URI1: variants seen among roughly 807,000 people sequenced by gnomAD.
URI1 encodes URI1 prefoldin like chaperone.
In URI1, 39 loss-of-function variants were observed where a neutral mutation model predicts 60.2. That is an observed-to-expected ratio of 0.65 (90% confidence interval 0.50 to 0.85). URI1 has a LOEUF of 0.85. Among genes scored for constraint, URI1 ranks in the 40% least tolerant of loss-of-function variants. The probability of loss-of-function intolerance (pLI) is 0.00; values close to 1 mark genes in which losing one functional copy is unlikely to be tolerated. For missense variants in URI1, 691 were observed against 665.9 expected (o/e 1.04, Z -0.42); for synonymous variants, 251 against 236.8 (o/e 1.06, Z -0.55).
intron 8 of URI1, among the ~76,000 whole-genome samples, chr19:30,010,540 T>C (rs1462649437): frequency 6.6e-6 from 1 of 152,202 alleles, no homozygotes; most frequent in Non-Finnish European, 1.5e-5. Context: ...GTGGTCATTA[T>C]TGTGGAAAGT....
chr19:30,004,959 A>G (rs968307364), intron 4 of URI1, among the ~76,000 whole-genome samples: 1 of 152,044 alleles, frequency 6.6e-6, no homozygotes, highest in African/African-American at 2.4e-5. Context: ...GAACAGAATA[A>G]CTTGTCTTAA....
At chr19:29,980,452 T>G (rs2055578525) in intron 2 of URI1, 1 of 151,806 alleles carries the variant, frequency 6.6e-6, no homozygotes, top group Non-Finnish European at 1.5e-5. Flanking sequence ...TTTCTTAAAT[T>G]AAAAAATAAA....
chr19:29,984,309 G>A (rs2055634766), intron 2 of URI1, among the ~76,000 whole-genome samples: 1 of 152,084 alleles, frequency 6.6e-6, no homozygotes, highest in African/African-American at 2.4e-5. Flanking sequence ...TGCGTCTGTA[G>A]TCTCAGCTAC....
At chr19:29,935,372 G>A (rs1009500393) in intron 1 of URI1, among the ~76,000 whole-genome samples, 1 of 151,992 alleles carries the variant, frequency 6.6e-6, no homozygotes, top group Non-Finnish European at 1.5e-5. Flanking sequence ...CATTAACATA[G>A]ATTTATAATT....
intron 1 of URI1, among the ~76,000 whole-genome samples, chr19:29,934,862 G>A (rs1242610438): frequency 1.3e-5 from 2 of 152,142 alleles, no homozygotes; most frequent in African/African-American, 4.8e-5. Context: ...AAGCCAACAT[G>A]CCCATATTAT....
At chr19:29,982,897 C>T (rs1438410198) in intron 2 of URI1, among the ~76,000 whole-genome samples, 1 of 152,098 alleles carries the variant, frequency 6.6e-6, no homozygotes, top group Admixed American at 6.5e-5. Context: ...TTCTGTTGAA[C>T]CTGTGAGATA....
intron 2 of URI1, among the ~76,000 whole-genome samples, chr19:29,971,893 C>T (rs1424436960): frequency 3.3e-5 from 5 of 151,946 alleles, no homozygotes; most frequent in Admixed American, 3.3e-4. Context: ...CCATGCTGTG[C>T]TTACGAAGGT....
chr19:29,963,684 A>C (rs2055354250), intron 1 of URI1, among the ~76,000 whole-genome samples: 1 of 152,170 alleles, frequency 6.6e-6, no homozygotes, highest in Admixed American at 6.5e-5. Context: ...GATTGTAGAT[A>C]TTCCTGAAGG....
At chr19:29,963,377 A>G (rs1346620669) in intron 1 of URI1, among the ~76,000 whole-genome samples, 1 of 151,834 alleles carries the variant, frequency 6.6e-6, no homozygotes, top group Non-Finnish European at 1.5e-5. Context: ...CTGCTGTTTA[A>G]TCTTCTTTTA....
intron 4 of URI1, among the ~76,000 whole-genome samples, chr19:29,998,336 A>G (rs112238739): frequency 7.0e-4 from 106 of 152,080 alleles, no homozygotes; most frequent in African/African-American, 2.4e-3. Flanking sequence ...ATATATGTCT[A>G]TTAGGTCTAA....
chr19:29,987,897 G>A (rs1472205154), intron 4 of URI1, among the ~76,000 whole-genome samples: 1 of 152,120 alleles, frequency 6.6e-6, no homozygotes, highest in Admixed American at 6.5e-5. Context: ...GCCGGGCGCA[G>A]GGGCTCATGC....
Position 29,989,271 on chromosome 19 carries a change from C to A in URI1, c.367+2854C>A, listed in dbSNP as rs72486987. Reference sequence around the variant, plus strand: ...GATTACAGACATGCGCCACCATGCCCGGCTAATTTTTTTGTACTTTTAGTA... The same window carrying A: ...GATTACAGACATGCGCCACCATGCCAGGCTAATTTTTTTGTACTTTTAGTA... On this transcript the variant is annotated intron_variant, in intron 4 of 10. Transcript: ENST00000392271. Among the ~76,000 whole-genome samples the A allele has an allele frequency of 5.7e-4, 87 of 151,882 alleles. 1 individual carries two copies. In the East Asian group the frequency reaches 0.016, roughly 28 times the overall value.
chr19:29,986,802 C>G (rs2145376629), intron 4 of URI1, among the ~76,000 whole-genome samples: 1 of 152,144 alleles, frequency 6.6e-6, no homozygotes, highest in East Asian at 1.9e-4. Flanking sequence ...TGTGTTTTCT[C>G]CTTAGTGAAC....
At position 30,015,039 on chromosome 19, in the gene URI1, T is replaced by C. The variant is rs1457553682; in HGVS notation, c.1578T>C (p.Phe526=). The change falls in exon 11 of 11, where the codon TTT becomes TTC. Residue 526 remains phenylalanine (F), a synonymous_variant. Transcript: ENST00000392271. ...AAACTGGAAAGAGGGTTTCAAAGTT[T>C]AAAGCTGCCAGATTGCAACAGAAAG... ...SEETGKRVSK[F]KAARLQQKD 2 of 1,613,634 alleles carry C rather than the reference T, an allele frequency of 1.2e-6. No individual in the cohort carries two copies. Among genetic ancestry groups the C allele is most frequent in the South Asian group, 2.2e-5 (2 of 91,028 alleles).
At chr19:30,004,916 C>T (rs1324332895) in intron 4 of URI1, among the ~76,000 whole-genome samples, 1 of 151,968 alleles carries the variant, frequency 6.6e-6, no homozygotes, top group Non-Finnish European at 1.5e-5. Flanking sequence ...GTTGTATTTT[C>T]AGTCATCTAA....
At chr19:29,977,476 CTG>C (rs1265844778) in intron 2 of URI1, among the ~76,000 whole-genome samples, 14 of 150,820 alleles carry the variant, frequency 9.3e-5, no homozygotes, top group Middle Eastern at 3.5e-3. Context: ...TTTTCAGAGT[CTG>C]TATTTTACTG....
At chr19:29,951,585 TGCC>T (rs2055180751) in intron 1 of URI1, among the ~76,000 whole-genome samples, 1 of 151,968 alleles carries the variant, frequency 6.6e-6, no homozygotes, top group African/African-American at 2.4e-5. Flanking sequence ...AGTTTCTTGT[TGCC>T]TAGGCTGGAG....
In URI1 at chr19:30,007,624, G is replaced by A. The variant is rs753226195; in HGVS notation, c.672G>A (p.Leu224=). The change falls in exon 7 of 11, where the codon CTG becomes CTA. Residue 224 remains leucine, a synonymous_variant. Coordinates refer to ENST00000392271, the MANE Select transcript of URI1 (RefSeq NM_003796.3). ...AACTAGAGAGACAGGAAGAATTGCT[G>A]GGTGAACTTGATAGGTACTTGATGA... ...LEELERQEEL[L]GELDSKPDTV... The A allele has an allele frequency of 6.2e-7, 1 of 1,606,124 alleles. No individual in the cohort carries two copies. Among genetic ancestry groups the A allele is most frequent in the Non-Finnish European group, 8.5e-7 (1 of 1,176,424 alleles).
At chr19:29,927,560 C>CTTTTTGTTTTTTTTTT (rs2054879737) in intron 1 of URI1, among the ~76,000 whole-genome samples, 1 of 39,802 alleles carries the variant, frequency 2.5e-5, no homozygotes, top group African/African-American at 1.3e-4. Context: ...CTGCACCCGG[C>CTTTTTGTTTTTTTTTT]TTTTTTTTTT....
Sources: gnomAD v4.1 joint callset for allele counts (sites outside exome capture counted in the v4.1 genomes callset) on GRCh38, gnomAD v4.1.1 for gene constraint, MANE v1.5 for transcripts, NCBI Gene and HGNC (gene_info 2026-07-23, HGNC 2026-07-21) for gene names.